Variants in BMP3 observed in about 807,000 individuals in gnomAD.
BMP3 encodes bone morphogenetic protein 3, also known as bone morphogenetic protein 3 (osteogenic).
A neutral mutation model predicts 38.1 loss-of-function variants in BMP3; 23 were observed. The ratio of observed to expected loss-of-function variants is 0.60; its 90% CI spans 0.43 to 0.86. The LOEUF (loss-of-function observed/expected upper bound fraction) is 0.86. Ranked by LOEUF, BMP3 falls within the 40% of genes least tolerant of loss-of-function variation. The pLI is 0.00. For synonymous variants in BMP3, 258 were observed against 225.7 expected (o/e 1.14, Z -1.28); for missense variants, 628 against 579.6 (o/e 1.08, Z -0.86).
At chr4:81,043,278 C>T (rs1000156707) in intron 1 of BMP3, among the ~76,000 whole-genome samples, 7 of 152,086 alleles carry the variant, frequency 4.6e-5, no homozygotes, top group African/African-American at 1.2e-4. Flanking sequence ...CTGTGGATCT[C>T]GGTTTATGAG....
rs923859634 is a variant in BMP3 at position 81,054,518 on chromosome 4, C to A, written c.*982C>A. 6.6e-6 allele frequency: 1 copy of A among 152,118 alleles called. No individual in the cohort carries two copies. The highest frequency in any genetic ancestry group is 2.4e-5 in the African/African-American group (1 of 41,410). The allele number at this position is 152,118 out of a possible 1,614,324, so 9.4% of individuals were successfully genotyped here. A position where few individuals can be genotyped will look rare whatever the true frequency, so the allele number is the denominator to read the frequency against. On this transcript the variant is annotated 3_prime_UTR_variant, in exon 3 of 3. Transcript: ENST00000282701. ...GAAGTTATTGGTAGATGTTGAGGCC[C>A]AAAAACTGGTAGAATATTGAAGATC...
At chr4:81,036,445 AG>A (rs1739927267) in intron 1 of BMP3, among the ~76,000 whole-genome samples, 1 of 152,150 alleles carries the variant, frequency 6.6e-6, no homozygotes, top group East Asian at 1.9e-4. Flanking sequence ...TTTGTGCTTC[AG>A]TAACAGAACA....
chr4:81,052,734 T>C (rs970640722), intron 2 of BMP3, among the ~76,000 whole-genome samples: 5 of 152,108 alleles, frequency 3.3e-5, no homozygotes, highest in African/African-American at 1.2e-4. Flanking sequence ...CATAGTGGAA[T>C]AGTAACCATC....
rs1227412686 is a variant in BMP3 at position 81,054,949 on chromosome 4, GA to G, written c.*1415del. On this transcript the variant is annotated 3_prime_UTR_variant, in exon 3 of 3. Coordinates refer to ENST00000282701, the MANE Select transcript of BMP3 (RefSeq NM_001201.5). ...CCATTTTGGAGGCTGTGCAGTATCA[GA>G]AGACGTGGAGTTTGTTCTGTCTCTG... is the stretch of plus-strand genomic sequence containing the variant. 3 of 152,180 alleles carry G rather than the reference GA, an allele frequency of 2.0e-5. No homozygotes were observed. Among genetic ancestry groups the G allele is most frequent in the Non-Finnish European group, 4.4e-5 (3 of 68,014 alleles). 9.4% of individuals were successfully genotyped at this position (152,180 alleles called of 1,614,324 possible).
At chr4:81,031,693 G>A (rs1189399935) in intron 1 of BMP3, 93 bp downstream of exon 1, 1 of 1,410,734 alleles carries the variant, frequency 7.1e-7, no homozygotes, top group Non-Finnish European at 9.3e-7. Flanking sequence ...CTTGCTTGGT[G>A]GCGCTGCCTA....
At chr4:81,043,617 T>G (rs1022659269) in intron 1 of BMP3, among the ~76,000 whole-genome samples, 1 of 127,806 alleles carries the variant, frequency 7.8e-6, no homozygotes, top group African/African-American at 2.9e-5. Flanking sequence ...AGACAGCGTC[T>G]CACTCTGTTG....
chr4:81,042,286 T>A (rs62304287), intron 1 of BMP3, among the ~76,000 whole-genome samples: 6,695 of 152,302 alleles, frequency 0.044, 227 homozygotes, highest in Non-Finnish European at 0.071. Context: ...CATACTATCA[T>A]ACTGGAAACC....
At chr4:81,036,192 A>G (rs1037429171) in intron 1 of BMP3, among the ~76,000 whole-genome samples, 4 of 152,000 alleles carry the variant, frequency 2.6e-5, no homozygotes, top group African/African-American at 9.7e-5. Flanking sequence ...TTTAAAAAGA[A>G]AAGCTAGTTT....
chr4:81,047,168 G>T lies in BMP3; in HGVS notation c.1227+520G>T, dbSNP rs144410551. Among the ~76,000 whole-genome samples the T allele has an allele frequency of 6.8e-3, 1,029 of 152,234 alleles. 12 individuals carry two copies. The highest frequency in any genetic ancestry group is 0.023 in the African/African-American group (960 of 41,530). Reference sequence around the variant, plus strand: ...GATCAGGATTGACTCAGGTAAACTGGCCTCATGAAATCCACTACGTGCTTA... The same window carrying T: ...GATCAGGATTGACTCAGGTAAACTGTCCTCATGAAATCCACTACGTGCTTA... On this transcript the variant is annotated intron_variant, in intron 2 of 2. Coordinates refer to ENST00000282701, the MANE Select transcript of BMP3 (RefSeq NM_001201.5).
Position 81,053,668 on chromosome 4 carries a change from G to A in BMP3, c.*132G>A. ...TCAAAAGATTATTTCTATAGTCAGA[G>A]GGGAATGAGCAAATAGACTGAAGAT... On this transcript the variant is annotated 3_prime_UTR_variant, in exon 3 of 3. Coordinates refer to ENST00000282701, the MANE Select transcript of BMP3 (RefSeq NM_001201.5). The A allele has an allele frequency of 1.8e-6, 1 of 555,216 alleles. No homozygotes were observed. The allele number at this position is 555,216 out of a possible 1,614,324, so 34.4% of individuals were successfully genotyped here.
At chr4:81,052,625 G>T (rs1018248751) in intron 2 of BMP3, among the ~76,000 whole-genome samples, 7 of 152,116 alleles carry the variant, frequency 4.6e-5, no homozygotes, top group African/African-American at 7.2e-5. Context: ...ACAACTCCAT[G>T]CCTAATTCTA....
intron 1 of BMP3, among the ~76,000 whole-genome samples, chr4:81,039,107 G>A (rs1172355749): frequency 2.6e-5 from 4 of 152,180 alleles, no homozygotes; most frequent in East Asian, 1.9e-4. Flanking sequence ...GCCTGTGCCT[G>A]AAAGTTAAAG....
intron 1 of BMP3, among the ~76,000 whole-genome samples, chr4:81,043,746 G>A (rs192440239): frequency 2.1e-3 from 315 of 151,834 alleles, no homozygotes; most frequent in Non-Finnish European, 3.2e-3. Flanking sequence ...TGCCACTACC[G>A]CCTTGCTAAT....
At chr4:81,044,423 GC>G (rs1362848770) in intron 1 of BMP3, among the ~76,000 whole-genome samples, 1 of 152,096 alleles carries the variant, frequency 6.6e-6, no homozygotes, top group African/African-American at 2.4e-5. Context: ...CTTCCAGGAA[GC>G]CTCCAAAGCA....
Position 81,034,705 on chromosome 4 carries a change from T to G in BMP3, c.316+3105T>G, listed in dbSNP as rs146198009. On this transcript the variant is annotated intron_variant, in intron 1 of 2. Coordinates refer to ENST00000282701, the MANE Select transcript of BMP3 (RefSeq NM_001201.5). ...TACTTCATAGATTTAAAAAAATAAC[T>G]GAGGCAATCCAGCCCCACAAGTGAA... Among the ~76,000 whole-genome samples the G allele has an allele frequency of 6.8e-3, 1,033 of 152,266 alleles. 13 individuals carry two copies. The highest frequency in any genetic ancestry group is 0.023 in the African/African-American group (964 of 41,554).
chr4:81,035,265 T>TA (rs902930985), intron 1 of BMP3, among the ~76,000 whole-genome samples: 10 of 151,988 alleles, frequency 6.6e-5, no homozygotes, highest in African/African-American at 2.2e-4. Flanking sequence ...GAATTACATA[T>TA]AAAAAAATTT....
chr4:81,053,015 G>A (rs535564602), intron 2 of BMP3, among the ~76,000 whole-genome samples: 8 of 152,154 alleles, frequency 5.3e-5, no homozygotes, highest in African/African-American at 1.7e-4. Flanking sequence ...GAGATAACTT[G>A]GTTTAAATCC....
chr4:81,053,138 AT>A (rs2109913963), intron 2 of BMP3, among the ~76,000 whole-genome samples: 1 of 152,284 alleles, frequency 6.6e-6, no homozygotes, highest in Admixed American at 6.5e-5. Flanking sequence ...TACATATAAT[AT>A]GCCTGGAATG....
rs544177869 is a variant in BMP3, at chr4:81,054,348, A to G, written c.*812A>G. On this transcript the variant is annotated 3_prime_UTR_variant, in exon 3 of 3. Transcript: ENST00000282701. Reference sequence around the variant, plus strand: ...TCATTTCCTACCAGAAAAAGGAATCAGAAACCTAGTTTTTGAAAACACAAG... The same window carrying G: ...TCATTTCCTACCAGAAAAAGGAATCGGAAACCTAGTTTTTGAAAACACAAG... The G allele has an allele frequency of 9.2e-4, 141 of 152,718 alleles. No individual in the cohort carries two copies. Among genetic ancestry groups the G allele is most frequent in the African/African-American group, 3.3e-3 (139 of 41,588 alleles). The allele number at this position is 152,718 out of a possible 1,614,324, so 9.5% of individuals were successfully genotyped here.
Sources: allele counts gnomAD v4.1 joint callset (sites outside exome capture counted in the v4.1 genomes callset), GRCh38; gene constraint gnomAD v4.1.1; transcripts MANE v1.5; gene names NCBI Gene and HGNC (gene_info 2026-07-23, HGNC 2026-07-21).